SAMD12: variants seen among roughly 807,000 people sequenced by gnomAD.
SAMD12 encodes the protein sterile alpha motif domain-containing protein 12.
A neutral mutation model predicts 15.0 loss-of-function variants in SAMD12; 9 were observed. That is an observed-to-expected ratio of 0.60 (90% confidence interval 0.36 to 1.05). SAMD12 has a LOEUF of 1.05. SAMD12 is among the 50% of genes least tolerant of loss of function. The probability of loss-of-function intolerance (pLI) is 0.01; values close to 1 mark genes in which losing one functional copy is unlikely to be tolerated. For missense variants in SAMD12, 230 were observed against 234.2 expected (o/e 0.98, Z 0.12); for synonymous variants, 86 against 90.1 (o/e 0.96, Z 0.25).
At chr8:118,502,570 A>G (rs990219057) in intron 2 of SAMD12, among the ~76,000 whole-genome samples, 2 of 152,240 alleles carry the variant, frequency 1.3e-5, no homozygotes, top group African/African-American at 4.8e-5. Flanking sequence ...AAGCACTAAT[A>G]GTCTCCAGTG....
At chr8:118,169,599 A>G in the SAMD12 span, among the ~76,000 whole-genome samples, 1 of 152,232 alleles carries the variant, frequency 6.6e-6, no homozygotes, top group Non-Finnish European at 1.5e-5. Flanking sequence ...CTTGTAGTCT[A>G]TCAGGCAGCT....
chr8:118,548,608 CG>C (rs1826211669), intron 2 of SAMD12, among the ~76,000 whole-genome samples: 1 of 152,094 alleles, frequency 6.6e-6, no homozygotes, highest in South Asian at 2.1e-4. Flanking sequence ...ACGCAGAAGA[CG>C]GGTGATTTCT....
chr8:118,539,312 G>A (rs940106025), intron 2 of SAMD12, among the ~76,000 whole-genome samples: 12 of 152,242 alleles, frequency 7.9e-5, no homozygotes, highest in Middle Eastern at 3.4e-3. Flanking sequence ...TGACACTTTC[G>A]CTAAAGACAA....
At chr8:118,546,420 T>C (rs1436937387) in intron 2 of SAMD12, among the ~76,000 whole-genome samples, 1 of 152,114 alleles carries the variant, frequency 6.6e-6, no homozygotes, top group Non-Finnish European at 1.5e-5. Context: ...AGGATTCTTA[T>C]CAGCTTCCAA....
At chr8:118,391,304 C>T (rs963939690) in intron 3 of SAMD12, among the ~76,000 whole-genome samples, 1 of 152,174 alleles carries the variant, frequency 6.6e-6, no homozygotes, top group South Asian at 2.1e-4. Context: ...AAACAACCTT[C>T]AAGGTCTTTT....
At chr8:118,382,406 T>C (rs774733828) in intron 3 of SAMD12, among the ~76,000 whole-genome samples, 2 of 152,234 alleles carry the variant, frequency 1.3e-5, no homozygotes, top group Non-Finnish European at 2.9e-5. Flanking sequence ...AGCTCAACTT[T>C]GCTTTGTTTG....
At chr8:118,209,757 T>C (rs977426580) in intron 4 of SAMD12, among the ~76,000 whole-genome samples, 1 of 152,246 alleles carries the variant, frequency 6.6e-6, no homozygotes, top group Non-Finnish European at 1.5e-5. Flanking sequence ...TTAAACCTTA[T>C]TTATTTCTTG....
the SAMD12 span, among the ~76,000 whole-genome samples, chr8:118,141,823 A>G: frequency 6.6e-6 from 1 of 152,236 alleles, no homozygotes; most frequent in Non-Finnish European, 1.5e-5. Flanking sequence ...GGACATTTAA[A>G]TCTTCAGAAC....
intron 4 of SAMD12, among the ~76,000 whole-genome samples, chr8:118,322,769 C>A (rs1563762863): frequency 6.6e-6 from 1 of 152,200 alleles, no homozygotes; most frequent in Non-Finnish European, 1.5e-5. Flanking sequence ...AGGAGCCCCA[C>A]TTCCAGTTCT....
chr8:118,563,231 A>G (rs189930973), intron 2 of SAMD12, among the ~76,000 whole-genome samples: 1 of 152,364 alleles, frequency 6.6e-6, no homozygotes, highest in Admixed American at 6.5e-5. Context: ...TGTTAATTTT[A>G]CTACCAGTCA....
At chr8:118,436,029 C>T (rs12681581) in intron 3 of SAMD12, among the ~76,000 whole-genome samples, 70,927 of 151,972 alleles carry the variant, frequency 0.47, 18,076 homozygotes, top group Admixed American at 0.58. Context: ...ATTGTATTAC[C>T]CTCTGTTATC....
rs181098274 is a variant in SAMD12, at chr8:118,483,128, T to C, written c.193-43167A>G. On this transcript the variant is annotated intron_variant, in intron 2 of 3. Transcript: ENST00000314727. The stretch of plus-strand genomic sequence containing the variant: ...TCATGAATAAATTATTAGAAAGACA[T>C]GGAAGAGGTATAAGGGCATTAAACA... 3.3e-5 allele frequency among the ~76,000 whole-genome samples: 5 copies of C among 152,298 alleles called. No homozygotes were observed. In the East Asian group the frequency reaches 7.7e-4, roughly 24 times the overall value.
At chr8:118,179,622 G>T in the SAMD12 span, among the ~76,000 whole-genome samples, 14 of 152,166 alleles carry the variant, frequency 9.2e-5, no homozygotes, top group Non-Finnish European at 1.9e-4. Context: ...CTGGCCTCAG[G>T]TTTTCTCCCT....
chr8:118,358,905 A>C (rs914865708), intron 4 of SAMD12, among the ~76,000 whole-genome samples: 1 of 152,202 alleles, frequency 6.6e-6, no homozygotes, highest in African/African-American at 2.4e-5. Flanking sequence ...ATGTTAACAC[A>C]TCCCATGTTA....
At chr8:118,317,341 C>T (rs58533762) in intron 4 of SAMD12, among the ~76,000 whole-genome samples, 6,393 of 152,214 alleles carry the variant, frequency 0.042, 439 homozygotes, top group African/African-American at 0.14. Flanking sequence ...CACCCAAAGA[C>T]GTGTCCAGTT....
the SAMD12 span, among the ~76,000 whole-genome samples, chr8:118,135,867 C>CTGCTT: frequency 6.6e-6 from 1 of 151,654 alleles, no homozygotes; most frequent in African/African-American, 2.4e-5. Context: ...TTCTTTAGCT[C>CTGCTT]TGCTTTTCTA....
At chr8:118,339,588 C>T (rs1817250010) in intron 4 of SAMD12, among the ~76,000 whole-genome samples, 1 of 152,210 alleles carries the variant, frequency 6.6e-6, no homozygotes, top group Non-Finnish European at 1.5e-5. Context: ...ATCACGTGGC[C>T]TCGCTGCGTT....
At chr8:118,593,309 A>G (rs1827633727) in intron 1 of SAMD12, among the ~76,000 whole-genome samples, 2 of 152,172 alleles carry the variant, frequency 1.3e-5, no homozygotes, top group African/African-American at 4.8e-5. Flanking sequence ...GGAGCCATTG[A>G]TAAGTATACG....
At chr8:118,454,827 T>C (rs1279274215) in intron 2 of SAMD12, among the ~76,000 whole-genome samples, 1 of 152,140 alleles carries the variant, frequency 6.6e-6, no homozygotes, top group African/African-American at 2.4e-5. Context: ...GCAATTACCA[T>C]TCTACTTTCT....
Sources: gnomAD v4.1 joint callset for allele counts (sites outside exome capture counted in the v4.1 genomes callset) on GRCh38, gnomAD v4.1.1 for gene constraint, MANE v1.5 for transcripts, NCBI Gene and HGNC (gene_info 2026-07-23, HGNC 2026-07-21) for gene names.